The following DTNA variants were observed in gnomAD, a reference collection of about 807,000 sequenced individuals.
DTNA encodes the protein dystrobrevin alpha, also known as dystrophin-related protein 3.
Under a neutral mutation model 100.7 loss-of-function variants are expected in DTNA, and 43 were observed. The observed-to-expected ratio is 0.43, with a 90% CI of 0.33 to 0.55. The LOEUF (loss-of-function observed/expected upper bound fraction) is 0.55, where lower values mean the gene tolerates loss of function less well. DTNA is among the 20% of genes least tolerant of loss of function. The pLI is 0.04. For missense variants in DTNA, 798 were observed against 953.9 expected (o/e 0.84, Z 2.15); for synonymous variants, 349 against 347.9 (o/e 1.00, Z -0.04).
At chr18:34,692,931 A>G (rs1334951400) in intron 1 of DTNA, among the ~76,000 whole-genome samples, 1 of 152,220 alleles carries the variant, frequency 6.6e-6, no homozygotes, top group Non-Finnish European at 1.5e-5. Context: ...GAATTTCTTT[A>G]GAATGCAAAA....
chr18:34,549,114 C>A (rs1198854099), intron 1 of DTNA, among the ~76,000 whole-genome samples: 1 of 152,080 alleles, frequency 6.6e-6, no homozygotes, highest in Non-Finnish European at 1.5e-5. Context: ...CACCCTCTTT[C>A]CCTTTCTCTC....
chr18:34,742,544 C>T (rs1191809956), intron 1 of DTNA, among the ~76,000 whole-genome samples: 3 of 145,622 alleles, frequency 2.1e-5, no homozygotes, highest in African/African-American at 5.2e-5. Context: ...AGATCCTTAA[C>T]CTAATCACAT....
At chr18:34,588,974 T>C (rs1442120825) in intron 1 of DTNA, among the ~76,000 whole-genome samples, 1 of 150,414 alleles carries the variant, frequency 6.6e-6, no homozygotes, top group Non-Finnish European at 1.5e-5. Flanking sequence ...TTATATTTTA[T>C]ATTAATACTA....
intron 4 of DTNA, among the ~76,000 whole-genome samples, chr18:34,794,873 A>G (rs1439185277): frequency 6.6e-6 from 1 of 152,226 alleles, no homozygotes; most frequent in Non-Finnish European, 1.5e-5. Context: ...CTGTTCGTCC[A>G]CATATCTCAT....
chr18:34,758,255 A>C (rs2092913068), intron 2 of DTNA, among the ~76,000 whole-genome samples: 1 of 152,242 alleles, frequency 6.6e-6, no homozygotes, highest in East Asian at 1.9e-4. Context: ...GGGAGCAAAA[A>C]AGGACTAGAC....
intron 1 of DTNA, among the ~76,000 whole-genome samples, chr18:34,712,310 G>T (rs1242893269): frequency 6.6e-6 from 1 of 151,928 alleles, no homozygotes; most frequent in Non-Finnish European, 1.5e-5. Context: ...ATGGATGAGG[G>T]AAATTACTAA....
At chr18:34,675,466 T>A (rs974673259) in intron 1 of DTNA, among the ~76,000 whole-genome samples, 3 of 152,254 alleles carry the variant, frequency 2.0e-5, no homozygotes, top group East Asian at 1.9e-4. Flanking sequence ...AATAAAATAA[T>A]CATGAATTCT....
chr18:34,493,923 G>A (rs918505276), intron 1 of DTNA: 1 of 148,368 alleles, frequency 6.7e-6, no homozygotes, highest in African/African-American at 2.4e-5. Flanking sequence ...CAGGACTGCG[G>A]CGCGGCGCCT....
At chr18:34,748,114 A>G (rs565923396) in intron 1 of DTNA, among the ~76,000 whole-genome samples, 43 of 152,120 alleles carry the variant, frequency 2.8e-4, no homozygotes, top group African/African-American at 9.9e-4. Context: ...TCTTTTGAGA[A>G]TTGTCTATTC....
chr18:34,882,487 GCCT>G (rs1603352756), intron 21 of DTNA, among the ~76,000 whole-genome samples: 1 of 152,000 alleles, frequency 6.6e-6, no homozygotes, highest in East Asian at 1.9e-4. Context: ...TCCTGCCTCA[GCCT>G]CCCGAGTAGC....
At chr18:34,799,379 T>C (rs1025443585) in intron 4 of DTNA, among the ~76,000 whole-genome samples, 8 of 152,202 alleles carry the variant, frequency 5.3e-5, no homozygotes, top group African/African-American at 1.9e-4. Flanking sequence ...GTCTTTCGAA[T>C]TTAAAAAATG....
chr18:34,654,647 C>G (rs2074092215), intron 1 of DTNA, among the ~76,000 whole-genome samples: 1 of 152,176 alleles, frequency 6.6e-6, no homozygotes, highest in Non-Finnish European at 1.5e-5. Flanking sequence ...AATCCAAATG[C>G]AGATTTTATA....
chr18:34,564,047 A>G (rs1416690066), intron 1 of DTNA, among the ~76,000 whole-genome samples: 1 of 152,208 alleles, frequency 6.6e-6, no homozygotes, highest in African/African-American at 2.4e-5. Context: ...ATTATTAACT[A>G]CAGTCACTAT....
At chr18:34,527,405 G>A (rs1568592937) in intron 1 of DTNA, among the ~76,000 whole-genome samples, 1 of 151,988 alleles carries the variant, frequency 6.6e-6, no homozygotes, top group African/African-American at 2.4e-5. Flanking sequence ...GCTGCCAAAA[G>A]TTAATAAAGA....
intron 18 of DTNA, among the ~76,000 whole-genome samples, chr18:34,876,153 T>G (rs2096815246): frequency 6.6e-6 from 1 of 152,240 alleles, no homozygotes; most frequent in African/African-American, 2.4e-5. Context: ...ATAGATATGT[T>G]TAAGGATGTG....
At chr18:34,662,381 C>G (rs2075320837) in intron 1 of DTNA, among the ~76,000 whole-genome samples, 1 of 152,090 alleles carries the variant, frequency 6.6e-6, no homozygotes, top group Non-Finnish European at 1.5e-5. Context: ...ACCTGCTTCC[C>G]AAACATGATA....
At chr18:34,555,081 ACTT>A (rs2045881920) in intron 1 of DTNA, among the ~76,000 whole-genome samples, 1 of 129,630 alleles carries the variant, frequency 7.7e-6, no homozygotes, top group African/African-American at 3.2e-5. Context: ...CAGAGATTCA[ACTT>A]CTTCCTGGTT....
At chr18:34,743,834 A>G (rs561994694) in intron 1 of DTNA, among the ~76,000 whole-genome samples, 32 of 152,020 alleles carry the variant, frequency 2.1e-4, no homozygotes, top group Admixed American at 1.8e-3. Context: ...AAGTTTTGCT[A>G]TTGGTCTTAA....
intron 1 of DTNA, among the ~76,000 whole-genome samples, chr18:34,687,972 T>C (rs933600632): frequency 3.9e-5 from 6 of 152,294 alleles, no homozygotes; most frequent in Admixed American, 1.3e-4. Context: ...CTGCTTTTTT[T>C]TTTCTTCTTT....
Sources: gnomAD v4.1 joint callset for allele counts (sites outside exome capture counted in the v4.1 genomes callset) on GRCh38, gnomAD v4.1.1 for gene constraint, MANE v1.5 for transcripts, NCBI Gene and HGNC (gene_info 2026-07-23, HGNC 2026-07-21) for gene names.